The following FAM222B variants were observed in gnomAD, a reference collection of about 807,000 sequenced individuals.
The protein encoded by FAM222B is family with sequence similarity 222 member B.
FAM222B carries 12 observed loss-of-function variants against 38.0 expected under a neutral mutation model. That is an observed-to-expected ratio of 0.32 (90% CI 0.20 to 0.51). FAM222B has a LOEUF of 0.51. Ranked by LOEUF, FAM222B falls within the 20% of genes least tolerant of loss-of-function variation. FAM222B has a pLI of 0.97. For missense variants in FAM222B, 716 were observed against 754.2 expected, an observed-to-expected ratio of 0.95 and a Z score of 0.59; for synonymous variants, 329 against 317.2, an observed-to-expected ratio of 1.04 and a Z score of -0.40.
chr17:28,839,889 T>A (rs1264547657), intron 1 of FAM222B, among the ~76,000 whole-genome samples: 1 of 151,698 alleles, frequency 6.6e-6, no homozygotes, highest in Non-Finnish European at 1.5e-5. Context: ...ATTTTTCCCA[T>A]TCCTGTAAAT....
At chr17:28,796,643 T>C (rs1290246993) in intron 1 of FAM222B, among the ~76,000 whole-genome samples, 2 of 152,118 alleles carry the variant, frequency 1.3e-5, no homozygotes, top group Non-Finnish European at 2.9e-5. Flanking sequence ...ACAATTTATC[T>C]TCTTTTAACA....
At chr17:28,775,788 G>A (rs1473982916) in intron 1 of FAM222B, among the ~76,000 whole-genome samples, 2 of 151,564 alleles carry the variant, frequency 1.3e-5, no homozygotes, top group African/African-American at 4.8e-5. Flanking sequence ...GGCTGAAGCA[G>A]GAGAATCACT....
chr17:28,819,936 CATCAAAG>C (rs1001947725), intron 1 of FAM222B, among the ~76,000 whole-genome samples: 2 of 152,162 alleles, frequency 1.3e-5, no homozygotes, highest in African/African-American at 4.8e-5. Context: ...ACAGTCTTCC[CATCAAAG>C]AGGAAAAGAA....
Position 28,822,556 on chromosome 17 carries a change from G to A in FAM222B, c.-41+20126C>T, listed in dbSNP as rs541818002. ...TAGGAGAATCGCTTGAACCCGGGAG[G>A]CGGAGGTTGGAAAGAGCCGAGATTG... On this transcript the variant is annotated intron_variant, in intron 1 of 2. Transcript: ENST00000581407. Among the ~76,000 whole-genome samples, 102 of 150,456 alleles carry A rather than the reference G, an allele frequency of 6.8e-4. 1 individual carries two copies. Among genetic ancestry groups the A allele is most frequent in the African/African-American group, 2.2e-3 (91 of 41,306 alleles).
chr17:28,838,789 C>T (rs8079848), intron 1 of FAM222B, among the ~76,000 whole-genome samples: 91 of 152,016 alleles, frequency 6.0e-4, no homozygotes, highest in African/African-American at 2.1e-3. Context: ...CGCCTGTAAT[C>T]CCAGCTACTC....
intron 1 of FAM222B, among the ~76,000 whole-genome samples, chr17:28,813,895 T>C (rs2037912751): frequency 6.6e-6 from 1 of 151,782 alleles, no homozygotes; most frequent in Non-Finnish European, 1.5e-5. Flanking sequence ...GGTGTAGTGA[T>C]AGAGCACTAC....
chr17:28,792,244 G>A (rs926063208), intron 1 of FAM222B, among the ~76,000 whole-genome samples: 1 of 151,214 alleles, frequency 6.6e-6, no homozygotes, highest in South Asian at 2.1e-4. Context: ...CCTGGGAGGC[G>A]GAGCTTGCAG....
intron 1 of FAM222B, among the ~76,000 whole-genome samples, chr17:28,820,571 A>G (rs1280538977): frequency 6.6e-6 from 1 of 152,212 alleles, no homozygotes; most frequent in Non-Finnish European, 1.5e-5. Context: ...TTAAACATTC[A>G]GCAATGCAAG....
chr17:28,761,800 T>C (rs1231346384), intron 2 of FAM222B, among the ~76,000 whole-genome samples: 2 of 152,156 alleles, frequency 1.3e-5, no homozygotes, highest in African/African-American at 4.8e-5. Context: ...GGATCACTGA[T>C]TGAGAGCAAG....
intron 1 of FAM222B, chr17:28,834,856 T>A (rs1053591728): frequency 1.0e-5 from 1 of 98,226 alleles, no homozygotes; most frequent in African/African-American, 3.4e-5. Context: ...AAAAGTCAAT[T>A]TTTTTTTTTT....
intron 1 of FAM222B, among the ~76,000 whole-genome samples, chr17:28,850,950 C>T (rs2039176713): frequency 6.6e-6 from 1 of 151,792 alleles, no homozygotes; most frequent in African/African-American, 2.4e-5. Context: ...GAAACCCCGT[C>T]TGTACTAAAA....
intron 1 of FAM222B, among the ~76,000 whole-genome samples, chr17:28,770,706 G>A (rs2151800253): frequency 6.6e-6 from 1 of 152,204 alleles, no homozygotes; most frequent in Non-Finnish European, 1.5e-5. Context: ...GAGTAGCTGG[G>A]ACTACAGGCG....
chr17:28,791,906 C>T (rs1486188777), intron 1 of FAM222B, among the ~76,000 whole-genome samples: 1 of 151,102 alleles, frequency 6.6e-6, no homozygotes, highest in Non-Finnish European at 1.5e-5. Context: ...GTGATCTGCC[C>T]GCCTTCGCCT....
chr17:28,769,312 G>A (rs1180806405), intron 1 of FAM222B, among the ~76,000 whole-genome samples: 1 of 150,960 alleles, frequency 6.6e-6, no homozygotes, highest in African/African-American at 2.4e-5. Context: ...CCGAGTAGCT[G>A]GGACTACAGG....
chr17:28,758,703 G>T lies in FAM222B; in HGVS notation c.1256C>A (p.Ser419Tyr). ...TTCCAGGGGTGGCTTCAGATGGAAG[G>T]ACTGCGCCAGGCAGAGTTCCTGCGG... ...AYPQELCLAQ[S>Y]FHLKPPLEKP... Residue 419 changes from serine (S) to tyrosine (Y), a missense_variant, in exon 3 of 3, where the codon TCC (serine) becomes TAC (tyrosine). Ser to Tyr is a moderately radical substitution (Grantham distance 144). Transcript: ENST00000581407. 1 of 1,598,708 alleles carries T rather than the reference G, an allele frequency of 6.3e-7. No homozygotes were observed. Among genetic ancestry groups the T allele is most frequent in the Non-Finnish European group, 8.5e-7 (1 of 1,170,920 alleles).
upstream of FAM222B, among the ~76,000 whole-genome samples, chr17:28,845,318 G>A (rs535376339): frequency 3.3e-5 from 5 of 150,572 alleles, no homozygotes; most frequent in East Asian, 8.0e-4. Context: ...GGAGAATGGC[G>A]TGAAGCCCGG....
intron 1 of FAM222B, among the ~76,000 whole-genome samples, chr17:28,791,191 G>T (rs985752846): frequency 6.6e-6 from 1 of 151,824 alleles, no homozygotes; most frequent in African/African-American, 2.4e-5. Flanking sequence ...TTACAGGTGT[G>T]AGCCACTGTG....
At chr17:28,796,740 A>G (rs753570926) in intron 1 of FAM222B, among the ~76,000 whole-genome samples, 2 of 152,118 alleles carry the variant, frequency 1.3e-5, no homozygotes, top group Non-Finnish European at 2.9e-5. Context: ...AAAGAAAGAA[A>G]GAAAGTGGAC....
chr17:28,845,094 T>TC (rs1464922261), upstream of FAM222B, among the ~76,000 whole-genome samples: 4 of 148,848 alleles, frequency 2.7e-5, no homozygotes, highest in Non-Finnish European at 5.9e-5. Context: ...AGAGTGAGAC[T>TC]CCATCTCAAT....
Sources: gnomAD v4.1 joint callset for allele counts (sites outside exome capture counted in the v4.1 genomes callset) on GRCh38, gnomAD v4.1.1 for gene constraint, MANE v1.5 for transcripts, NCBI Gene and HGNC (gene_info 2026-07-23, HGNC 2026-07-21) for gene names.